EPHA3: variants seen among roughly 807,000 people sequenced by gnomAD.
EPHA3 encodes ephrin type-A receptor 3.
Under a neutral mutation model 107.1 loss-of-function variants are expected in EPHA3, and 42 were observed. The ratio of observed to expected loss-of-function variants is 0.39; its 90% CI spans 0.31 to 0.51. The LOEUF is 0.51. Among genes scored for constraint, EPHA3 ranks in the 20% least tolerant of loss-of-function variants. EPHA3 has a pLI of 0.78. For missense variants in EPHA3, 1,183 were observed against 1,211.2 expected, an observed-to-expected ratio of 0.98 and a Z score of 0.35; for synonymous variants, 461 against 424.8, an observed-to-expected ratio of 1.09 and a Z score of -1.05.
chr3:89,387,797 T>C (rs1021604301), intron 5 of EPHA3, among the ~76,000 whole-genome samples: 1 of 152,190 alleles, frequency 6.6e-6, no homozygotes, highest in Non-Finnish European at 1.5e-5. Context: ...AAATGCATAC[T>C]TCATTTGTCA....
chr3:89,251,483 A>T (rs1196925601), intron 3 of EPHA3, among the ~76,000 whole-genome samples: 1 of 152,088 alleles, frequency 6.6e-6, no homozygotes, highest in Non-Finnish European at 1.5e-5. Context: ...AAAGCATAGT[A>T]TGTGTTAGAT....
intron 2 of EPHA3, among the ~76,000 whole-genome samples, chr3:89,141,431 G>A (rs1480292647): frequency 6.6e-6 from 1 of 151,432 alleles, no homozygotes; most frequent in Non-Finnish European, 1.5e-5. Flanking sequence ...GCAGAAAGGG[G>A]GTAGAGAAAT....
intron 7 of EPHA3, among the ~76,000 whole-genome samples, chr3:89,405,285 A>T (rs1012363313): frequency 2.1e-4 from 32 of 152,212 alleles, no homozygotes; most frequent in African/African-American, 7.7e-4. Flanking sequence ...TTGGGCAGGG[A>T]TGGCCAGGCT....
At chr3:89,250,950 C>G (rs1255681619) in intron 3 of EPHA3, among the ~76,000 whole-genome samples, 1 of 152,130 alleles carries the variant, frequency 6.6e-6, no homozygotes, top group African/African-American at 2.4e-5. Flanking sequence ...AGCTCTGCAG[C>G]CCTTCTCAAG....
chr3:89,338,825 CTCAG>C (rs1707452471), intron 3 of EPHA3, among the ~76,000 whole-genome samples: 1 of 152,154 alleles, frequency 6.6e-6, no homozygotes, highest in Non-Finnish European at 1.5e-5. Context: ...TCACTAAACA[CTCAG>C]TCACTTTTTG....
chr3:89,246,485 C>A (rs562581440), intron 3 of EPHA3, among the ~76,000 whole-genome samples: 1 of 152,240 alleles, frequency 6.6e-6, no homozygotes, highest in South Asian at 2.1e-4. Flanking sequence ...GCTGTCTGTA[C>A]CAGGATCCTC....
chr3:89,366,174 A>C (rs1708180865), intron 5 of EPHA3, among the ~76,000 whole-genome samples: 1 of 150,256 alleles, frequency 6.7e-6, no homozygotes, highest in African/African-American at 2.4e-5. Flanking sequence ...GGAAAAAAAC[A>C]GAACCAATAC....
At chr3:89,353,321 T>A (rs571699578) in intron 5 of EPHA3, among the ~76,000 whole-genome samples, 1 of 151,536 alleles carries the variant, frequency 6.6e-6, no homozygotes, top group South Asian at 2.1e-4. Flanking sequence ...ATGTAGCGAA[T>A]CGGAAACTGT....
rs925701399 is a variant in EPHA3, at chr3:89,472,682, G to A, written c.2846+63G>A. The A allele has an allele frequency of 7.9e-6, 7 of 891,284 alleles. No individual in the cohort carries two copies. In the Admixed American group the frequency reaches 2.2e-4, roughly 28 times the overall value. 55.2% of individuals were successfully genotyped at this position (891,284 alleles called of 1,614,324 possible). ...CTTTTGAACTTTCTTGGCTTGACATGAAAGATTTGTAACATCTTGGCTTGA... is the reference window on the plus strand; with the variant it reads ...CTTTTGAACTTTCTTGGCTTGACATAAAAGATTTGTAACATCTTGGCTTGA... On this transcript the variant is annotated intron_variant, in intron 16 of 16. Coordinates refer to ENST00000336596, the MANE Select transcript of EPHA3 (RefSeq NM_005233.6).
intron 2 of EPHA3, among the ~76,000 whole-genome samples, chr3:89,147,761 C>G (rs1005860336): frequency 6.6e-6 from 1 of 151,710 alleles, no homozygotes; most frequent in Non-Finnish European, 1.5e-5. Flanking sequence ...TAATATAGGG[C>G]ATCAAAAGAT....
At chr3:89,418,706 C>T (rs1368533481) in intron 10 of EPHA3, among the ~76,000 whole-genome samples, 1 of 151,422 alleles carries the variant, frequency 6.6e-6, no homozygotes, top group East Asian at 1.9e-4. Context: ...CACACCAATA[C>T]TCCAATAAAA....
chr3:89,219,739 C>A (rs1383619032), intron 3 of EPHA3, among the ~76,000 whole-genome samples: 1 of 36,380 alleles, frequency 2.7e-5, no homozygotes, highest in African/African-American at 6.9e-5. Flanking sequence ...GACGGAGTCT[C>A]GCTCTGTCGC....
intron 5 of EPHA3, among the ~76,000 whole-genome samples, chr3:89,385,156 A>G (rs1708590799): frequency 6.6e-6 from 1 of 152,220 alleles, no homozygotes; most frequent in South Asian, 2.1e-4. Context: ...ATGAAAAAAA[A>G]TTATTTGCTC....
At chr3:89,432,071 T>C (rs1306882588) in intron 13 of EPHA3, among the ~76,000 whole-genome samples, 2 of 152,122 alleles carry the variant, frequency 1.3e-5, no homozygotes, top group Non-Finnish European at 2.9e-5. Context: ...CAAACCCTAA[T>C]TAGTGAGCAA....
intron 1 of EPHA3, among the ~76,000 whole-genome samples, chr3:89,124,256 A>G (rs1576165782): frequency 6.6e-6 from 1 of 152,222 alleles, no homozygotes; most frequent in East Asian, 1.9e-4. Context: ...GAGATTTAAG[A>G]TATGTATTGC....
At chr3:89,294,438 C>T (rs148120078) in intron 3 of EPHA3, among the ~76,000 whole-genome samples, 7 of 152,176 alleles carry the variant, frequency 4.6e-5, no homozygotes, top group East Asian at 1.9e-4. Flanking sequence ...TTTTAAAATG[C>T]TTTTTCTCTG....
intron 11 of EPHA3, among the ~76,000 whole-genome samples, chr3:89,424,118 T>G (rs1200335907): frequency 6.6e-6 from 1 of 151,348 alleles, no homozygotes; most frequent in African/African-American, 2.4e-5. Context: ...AACATTATTG[T>G]AATGCATAAA....
At chr3:89,151,964 A>T (rs1704698973) in intron 2 of EPHA3, among the ~76,000 whole-genome samples, 1 of 152,038 alleles carries the variant, frequency 6.6e-6, no homozygotes, top group Non-Finnish European at 1.5e-5. Context: ...AAGGCTGCAG[A>T]ATAGCTTTTT....
chr3:89,179,677 A>AC (rs1482206107), intron 2 of EPHA3, among the ~76,000 whole-genome samples: 3 of 151,662 alleles, frequency 2.0e-5, no homozygotes, highest in African/African-American at 7.2e-5. Context: ...TAAAAAAAAA[A>AC]AAAAAGATCT....
Sources: gnomAD v4.1 joint callset for allele counts (sites outside exome capture counted in the v4.1 genomes callset) on GRCh38, gnomAD v4.1.1 for gene constraint, MANE v1.5 for transcripts, NCBI Gene and HGNC (gene_info 2026-07-23, HGNC 2026-07-21) for gene names.